The following SGCD variants were observed in gnomAD, a reference collection of about 807,000 sequenced individuals.
SGCD encodes sarcoglycan delta.
In SGCD, 18 loss-of-function variants were observed where a neutral mutation model predicts 36.6. The observed-to-expected ratio is 0.49, with a 90% confidence interval of 0.34 to 0.73. The LOEUF is 0.73. SGCD is among the 30% of genes least tolerant of loss of function. The pLI is 0.01. For missense variants in SGCD, 387 were observed against 346.7 expected, an observed-to-expected ratio of 1.12 and a Z score of -0.92; for synonymous variants, 133 against 130.6, an observed-to-expected ratio of 1.02 and a Z score of -0.12.
intron 1 of SGCD, among the ~76,000 whole-genome samples, chr5:155,973,453 C>T (rs1451736689): frequency 1.3e-5 from 2 of 152,126 alleles, no homozygotes; most frequent in Non-Finnish European, 2.9e-5. Context: ...TCTGTTTTGC[C>T]CAAATATTCT....
intron 4 of SGCD, among the ~76,000 whole-genome samples, chr5:156,526,283 A>G (rs960693425): frequency 6.6e-6 from 1 of 152,168 alleles, no homozygotes; most frequent in African/African-American, 2.4e-5. Flanking sequence ...GAGAACTATC[A>G]TGGGATGGCA....
chr5:155,734,691 G>A, the SGCD span, among the ~76,000 whole-genome samples: 7 of 152,176 alleles, frequency 4.6e-5, no homozygotes, highest in Admixed American at 2.6e-4. Context: ...AGAGAAGAGT[G>A]GGAATCTTTT....
In SGCD at chr5:156,488,098, GTTTTTTT is replaced by G. The variant is rs559483068; in HGVS notation, c.193-20483_193-20477del. Among the ~76,000 whole-genome samples, 518 of 92,534 alleles carry G rather than the reference GTTTTTTT, an allele frequency of 5.6e-3. 7 individuals carry two copies. Among genetic ancestry groups the G allele is most frequent in the African/African-American group, 0.017 (494 of 29,268 alleles). 60.7% of individuals were successfully genotyped at this position (92,534 alleles called of 152,430 possible). A position where few individuals can be genotyped will look rare whatever the true frequency, so the allele number is the denominator to read the frequency against. ...AAAGAACTTCTGAACTTGAAGACAGGTTTTTTTTTTTTTTTTTTTTTTTTTTAAATAA... is the reference window on the plus strand; with the variant it reads ...AAAGAACTTCTGAACTTGAAGACAGGTTTTTTTTTTTTTTTTTTTAAATAA... On this transcript the variant is annotated intron_variant, in intron 3 of 8. Coordinates refer to ENST00000337851, the MANE Select transcript of SGCD (RefSeq NM_000337.6).
intron 7 of SGCD, among the ~76,000 whole-genome samples, chr5:156,651,618 A>G (rs1185481149): frequency 2.0e-5 from 3 of 151,864 alleles, no homozygotes; most frequent in Non-Finnish European, 4.4e-5. Context: ...TAGGTATGAG[A>G]CTATTTCTGG....
At chr5:156,076,735 C>G (rs192280292) in intron 1 of SGCD, among the ~76,000 whole-genome samples, 35 of 152,236 alleles carry the variant, frequency 2.3e-4, no homozygotes, top group Admixed American at 2.3e-3. Context: ...AACAATGGAG[C>G]ACCCTAGACT....
chr5:156,107,136 G>T (rs537887795), intron 1 of SGCD, among the ~76,000 whole-genome samples: 1 of 152,100 alleles, frequency 6.6e-6, no homozygotes, highest in East Asian at 1.9e-4. Context: ...CACAGTAACT[G>T]CCCCTTACTG....
chr5:156,030,134 T>C (rs1759313156), intron 1 of SGCD, among the ~76,000 whole-genome samples: 3 of 152,214 alleles, frequency 2.0e-5, no homozygotes, highest in African/African-American at 2.4e-5. Context: ...AGGAATGAGC[T>C]AGAGTGCTTG....
intron 1 of SGCD, among the ~76,000 whole-genome samples, chr5:155,903,158 T>C (rs997645691): frequency 6.6e-6 from 1 of 152,220 alleles, no homozygotes; most frequent in African/African-American, 2.4e-5. Flanking sequence ...AAGGAGATAA[T>C]GCAAACTATT....
chr5:156,072,383 C>T (rs1472829254), intron 1 of SGCD, among the ~76,000 whole-genome samples: 1 of 152,038 alleles, frequency 6.6e-6, no homozygotes, highest in Non-Finnish European at 1.5e-5. Context: ...TTCTCCTTCA[C>T]TTATGAAGCT....
chr5:156,405,796 A>G (rs1010907347), intron 3 of SGCD, among the ~76,000 whole-genome samples: 8 of 152,092 alleles, frequency 5.3e-5, no homozygotes, highest in African/African-American at 1.7e-4. Context: ...CTCCCTGGCT[A>G]TAGGCCTGGG....
chr5:156,381,244 G>C (rs991067535), intron 3 of SGCD, among the ~76,000 whole-genome samples: 3 of 152,200 alleles, frequency 2.0e-5, no homozygotes, highest in African/African-American at 4.8e-5. Flanking sequence ...TGCAAAGCAA[G>C]CTTGCTTGAG....
At chr5:156,306,689 C>A (rs1358027027) in intron 3 of SGCD, among the ~76,000 whole-genome samples, 1 of 152,138 alleles carries the variant, frequency 6.6e-6, no homozygotes, top group Non-Finnish European at 1.5e-5. Flanking sequence ...TCCTTTCTTG[C>A]TATTATGTTA....
intron 1 of SGCD, among the ~76,000 whole-genome samples, chr5:156,039,326 T>C (rs539725222): frequency 4.1e-4 from 63 of 152,262 alleles, no homozygotes; most frequent in African/African-American, 1.4e-3. Context: ...TAAAGAAAAT[T>C]TCAAATGCTG....
chr5:156,201,380 C>G (rs1219644456), intron 3 of SGCD, among the ~76,000 whole-genome samples: 1 of 152,262 alleles, frequency 6.6e-6, no homozygotes. Flanking sequence ...TTTGTGCAAG[C>G]TGTAGCCCAG....
chr5:155,886,842 T>G (rs1359809373), intron 1 of SGCD, among the ~76,000 whole-genome samples: 1 of 152,184 alleles, frequency 6.6e-6, no homozygotes, highest in African/African-American at 2.4e-5. Flanking sequence ...GCAGGAAGGC[T>G]CACTGAATCT....
intron 1 of SGCD, among the ~76,000 whole-genome samples, chr5:156,001,512 GTC>G (rs1758663021): frequency 6.6e-6 from 1 of 152,170 alleles, no homozygotes; most frequent in Non-Finnish European, 1.5e-5. Context: ...TGAATAGCAT[GTC>G]TCTATCTCAT....
chr5:156,671,651 G>A (rs1245422691), intron 7 of SGCD, among the ~76,000 whole-genome samples: 4 of 152,178 alleles, frequency 2.6e-5, no homozygotes, highest in Admixed American at 2.6e-4. Context: ...TTGGGTGGCA[G>A]GCTTCTAGGT....
chr5:156,484,875 T>C (rs1755588407), intron 3 of SGCD, among the ~76,000 whole-genome samples: 1 of 152,216 alleles, frequency 6.6e-6, no homozygotes, highest in Non-Finnish European at 1.5e-5. Flanking sequence ...TTGGTTAAAT[T>C]AGTTTTTAAT....
At position 156,552,146 on chromosome 5, in the gene SGCD, C is replaced by T. The variant is rs963936671; in HGVS notation, c.295-37085C>T. 4.6e-5 allele frequency among the ~76,000 whole-genome samples: 7 copies of T among 152,230 alleles called. No homozygotes were observed. In the South Asian group the frequency reaches 1.0e-3, roughly 23 times the overall value. ...TTGGAGCATCAGCGAGAACTCCCAT[C>T]CCCACTGCTCATGCCACAGACACAC... On this transcript the variant is annotated intron_variant, in intron 4 of 8. Coordinates refer to ENST00000337851, the MANE Select transcript of SGCD (RefSeq NM_000337.6).
Sources: gnomAD v4.1 joint callset for allele counts (sites outside exome capture counted in the v4.1 genomes callset) on GRCh38, gnomAD v4.1.1 for gene constraint, MANE v1.5 for transcripts, NCBI Gene and HGNC (gene_info 2026-07-23, HGNC 2026-07-21) for gene names.